Variants in SNU13 observed in about 807,000 individuals in gnomAD.
The protein encoded by SNU13 is NHP2-like protein 1.
SNU13 carries 2 observed loss-of-function variants against 12.4 expected under a neutral mutation model. The ratio of observed to expected loss-of-function variants is 0.16; its 90% CI spans 0.07 to 0.51. The LOEUF is 0.51. SNU13 is among the 20% of genes least tolerant of loss of function. The probability of loss-of-function intolerance (pLI) is 0.96; values close to 1 mark genes in which losing one functional copy is unlikely to be tolerated. For synonymous variants in SNU13, 68 were observed against 66.5 expected, an observed-to-expected ratio of 1.02 and a Z score of -0.11; for missense variants, 66 against 157.8, an observed-to-expected ratio of 0.42 and a Z score of 3.12.
intron 2 of SNU13, among the ~76,000 whole-genome samples, chr22:41,678,157 G>A (rs1310835849): frequency 5.9e-5 from 9 of 151,498 alleles, no homozygotes; most frequent in Non-Finnish European, 1.3e-4. Context: ...TTGTATTTTT[G>A]GTAGAGATGA....
Position 41,675,208 on chromosome 22 carries a change from G to C in SNU13, c.125-13C>G, listed in dbSNP as rs1008384898. On this transcript the variant is annotated splice_polypyrimidine_tract_variant and intron_variant, in intron 2 of 2. Transcript: ENST00000401959. The stretch of plus-strand genomic sequence containing the variant: ...AGGGTTTTGGTGGCTGCGGAGAGAA[G>C]GACGTGAAGCTAATAGGTGATGTGG... 6.2e-7 allele frequency: 1 copy of C among 1,610,908 alleles called. No individual in the cohort carries two copies. Among genetic ancestry groups the C allele is most frequent in the African/African-American group, 1.3e-5 (1 of 75,040 alleles).
intron 2 of SNU13, among the ~76,000 whole-genome samples, 197 bp downstream of exon 2, chr22:41,680,047 A>C (rs1326720945): frequency 6.6e-6 from 1 of 152,160 alleles, no homozygotes; most frequent in Non-Finnish European, 1.5e-5. Context: ...AAGAAGGTAA[A>C]TGTGGCAAAA....
chr22:41,686,147 A>G (rs1294270938), intron 1 of SNU13, among the ~76,000 whole-genome samples: 1 of 151,756 alleles, frequency 6.6e-6, no homozygotes, highest in Non-Finnish European at 1.5e-5. Flanking sequence ...GTCCCTTTAC[A>G]TATTTAAGTA....
chr22:41,675,447 G>A (rs1271268881), intron 2 of SNU13, among the ~76,000 whole-genome samples: 1 of 151,482 alleles, frequency 6.6e-6, no homozygotes, highest in African/African-American at 2.4e-5. Context: ...TTTTGAGATG[G>A]AGTCTTGCTC....
upstream of SNU13, chr22:41,688,891 G>T: frequency 2.0e-6 from 3 of 1,491,414 alleles, no homozygotes; most frequent in Admixed American, 2.0e-5. Flanking sequence ...AAGCAGCAGC[G>T]GAAATGGCCC....
At position 41,674,385 on chromosome 22, in the gene SNU13, C is replaced by G. The variant is rs951505367; in HGVS notation, c.*548G>C. 2.6e-5 allele frequency: 4 copies of G among 154,664 alleles called. No homozygotes were observed. The highest frequency in any genetic ancestry group is 9.6e-5 in the African/African-American group (4 of 41,456). The allele number at this position is 154,664 out of a possible 1,614,324, so 9.6% of individuals were successfully genotyped here. On this transcript the variant is annotated 3_prime_UTR_variant, in exon 3 of 3. Transcript: ENST00000401959. Reference sequence around the variant, plus strand: ...ACATCACATTACCAAAAGCAAACAGCAGGGGTACATTAGTAAACGACACTT... The same window carrying G: ...ACATCACATTACCAAAAGCAAACAGGAGGGGTACATTAGTAAACGACACTT...
At chr22:41,680,473 C>T in intron 1 of SNU13, 109 bp from the exon 2 acceptor site, 3 of 1,209,792 alleles carry the variant, frequency 2.5e-6, no homozygotes, top group Non-Finnish European at 3.4e-6. Flanking sequence ...GCCCTGCTCC[C>T]TAACCCTCAA....
At position 41,673,998 on chromosome 22, in the gene SNU13, C is replaced by T. The variant is rs749840042; in HGVS notation, c.*935G>A. On this transcript the variant is annotated 3_prime_UTR_variant, in exon 3 of 3. Transcript: ENST00000401959. Reference sequence around the variant, plus strand: ...AATGGAGAACACATGAACTAGCACTCTCCTCATGTGACAGAGAGTACATCT... The same window carrying T: ...AATGGAGAACACATGAACTAGCACTTTCCTCATGTGACAGAGAGTACATCT... 1 of 152,206 alleles carries T rather than the reference C, an allele frequency of 6.6e-6. No homozygotes were observed. The highest frequency in any genetic ancestry group is 1.9e-4 in the East Asian group (1 of 5,200). The allele number at this position is 152,206 out of a possible 1,614,324, so 9.4% of individuals were successfully genotyped here.
intron 1 of SNU13, among the ~76,000 whole-genome samples, chr22:41,686,841 G>A (rs1455941884): frequency 6.8e-6 from 1 of 147,830 alleles, no homozygotes; most frequent in Admixed American, 6.8e-5. Flanking sequence ...TGGTCAGGCT[G>A]GTCTTGAACT....
At position 41,675,139 on chromosome 22, in the gene SNU13, C is replaced by T. The variant is rs1162881742; in HGVS notation, c.181G>A (p.Glu61Lys). The change falls in exon 3 of 3, where the codon GAG (glutamate) becomes AAG (lysine). Residue 61 changes from glutamate to lysine, a missense_variant. Glu to Lys is a moderately conservative substitution (Grantham distance 56). Transcript: ENST00000401959. Reference sequence around the variant, plus strand: ...AGGTGCAGAATGATCTCCAGTGGCTCGGCGTCTGCAGCCATCACGATGAAC... The same window carrying T: ...AGGTGCAGAATGATCTCCAGTGGCTTGGCGTCTGCAGCCATCACGATGAAC... ...SEFIVMAADA[E>K]PLEIILHLPL... 13 of 1,614,100 alleles carry T rather than the reference C, an allele frequency of 8.1e-6. No individual in the cohort carries two copies. The highest frequency in any genetic ancestry group is 1.0e-5 in the Non-Finnish European group (12 of 1,180,028).
chr22:41,686,915 G>A (rs562632209), intron 1 of SNU13, among the ~76,000 whole-genome samples: 58 of 151,264 alleles, frequency 3.8e-4, no homozygotes, highest in African/African-American at 9.0e-4. Flanking sequence ...GTGAGCCACC[G>A]TGCCCAGCTG....
At chr22:41,687,398 C>T (rs1040672064) in intron 1 of SNU13, among the ~76,000 whole-genome samples, 1 of 152,138 alleles carries the variant, frequency 6.6e-6, no homozygotes, top group South Asian at 2.1e-4. Context: ...TCAGGATTCT[C>T]AAATCTCAAT....
intron 2 of SNU13, among the ~76,000 whole-genome samples, chr22:41,678,211 A>G (rs5996050): frequency 0.82 from 123,884 of 151,220 alleles, 51,549 homozygotes; most frequent in East Asian, 0.94. Flanking sequence ...TCCTGACCTC[A>G]TGATCTGCCC....
chr22:41,678,104 C>T lies in SNU13; in HGVS notation c.124+2140G>A, dbSNP rs1280841332. ...CATTTTCCTGCCTCAGCCTCCTGAG[C>T]AGCTGGGACTATAGGCGCCCGCCAC... On this transcript the variant is annotated intron_variant, in intron 2 of 2. Transcript: ENST00000401959. Among the ~76,000 whole-genome samples the T allele has an allele frequency of 4.6e-5, 7 of 152,080 alleles. No individual in the cohort carries two copies. In the South Asian group the frequency reaches 1.2e-3, roughly 27 times the overall value.
intron 1 of SNU13, 140 bp downstream of exon 1, chr22:41,688,654 C>T: frequency 8.0e-7 from 1 of 1,243,046 alleles, no homozygotes; most frequent in Non-Finnish European, 1.1e-6. Context: ...TGCTGGGGTT[C>T]TAACTAAGGG....
At chr22:41,688,925 C>T (rs1381834674), upstream of SNU13, 6 of 1,440,358 alleles carry the variant, frequency 4.2e-6, no homozygotes, top group South Asian at 4.2e-5. Context: ...GCGAAGGTGA[C>T]GCTACGCGAG....
upstream of SNU13, chr22:41,689,015 T>TA: frequency 7.6e-7 from 1 of 1,318,118 alleles, no homozygotes; most frequent in Non-Finnish European, 9.8e-7. Context: ...TTGGCGTTCT[T>TA]ATGAGCTGCC....
Sources: allele counts gnomAD v4.1 joint callset (sites outside exome capture counted in the v4.1 genomes callset), GRCh38; gene constraint gnomAD v4.1.1; transcripts MANE v1.5; gene names NCBI Gene and HGNC (gene_info 2026-07-23, HGNC 2026-07-21).